Variants in RIT2 observed in about 807,000 individuals in gnomAD.
RIT2 encodes Ras like without CAAX 2, also known as GTP-binding protein Rit2.
Under a neutral mutation model 23.7 loss-of-function variants are expected in RIT2, and 24 were observed. The ratio of observed to expected loss-of-function variants is 1.01; its 90% CI spans 0.73 to 1.43. RIT2 has a LOEUF of 1.43. RIT2 is among the 40% of genes most tolerant of loss of function. The pLI, the probability that RIT2 is intolerant of heterozygous loss-of-function variation, is 0.00. For missense variants in RIT2, 236 were observed against 266.9 expected, an observed-to-expected ratio of 0.88 and a Z score of 0.81; for synonymous variants, 107 against 91.1, an observed-to-expected ratio of 1.17 and a Z score of -0.99.
intron 4 of RIT2, among the ~76,000 whole-genome samples, chr18:42,805,910 T>C (rs1039944949): frequency 6.6e-6 from 1 of 152,020 alleles, no homozygotes; most frequent in Admixed American, 6.6e-5. Flanking sequence ...TGAATACTCA[T>C]AGTTTGTTTG....
chr18:42,918,306 G>A (rs1908965411), intron 4 of RIT2, among the ~76,000 whole-genome samples: 1 of 152,132 alleles, frequency 6.6e-6, no homozygotes, highest in African/African-American at 2.4e-5. Context: ...GATAAATCAT[G>A]TGAAACTCTT....
chr18:42,998,143 A>G (rs1911028923), intron 2 of RIT2, among the ~76,000 whole-genome samples: 1 of 152,088 alleles, frequency 6.6e-6, no homozygotes, highest in Admixed American at 6.6e-5. Context: ...ATGGGATGGC[A>G]CAGTTTCATG....
chr18:42,926,876 C>T (rs1192168721), intron 3 of RIT2, among the ~76,000 whole-genome samples: 2 of 151,852 alleles, frequency 1.3e-5, no homozygotes, highest in Non-Finnish European at 2.9e-5. Context: ...CAGAGAAAGA[C>T]AGTCATAGTA....
intron 2 of RIT2, among the ~76,000 whole-genome samples, chr18:43,021,753 C>T (rs559229095): frequency 2.6e-5 from 4 of 152,086 alleles, no homozygotes; most frequent in Admixed American, 2.0e-4. Context: ...TCCCCAAAAG[C>T]AGAAGCCACC....
chr18:42,784,511 C>T lies in RIT2; in HGVS notation c.427-40791G>A, dbSNP rs2143937185. Among the ~76,000 whole-genome samples, 3 of 152,158 alleles carry T rather than the reference C, an allele frequency of 2.0e-5. No individual in the cohort carries two copies. The South Asian group carries it at 6.2e-4, about 32-fold the overall frequency. ...GGTATTGAATGAGAAGATTTTCCAACATGCTTTACATGGTACTTGATTGTA... is the reference window on the plus strand; with the variant it reads ...GGTATTGAATGAGAAGATTTTCCAATATGCTTTACATGGTACTTGATTGTA... On this transcript the variant is annotated intron_variant, in intron 4 of 4. Transcript: ENST00000326695.
intron 1 of RIT2, among the ~76,000 whole-genome samples, chr18:43,046,571 G>A (rs894174832): frequency 6.6e-6 from 1 of 152,104 alleles, no homozygotes; most frequent in Non-Finnish European, 1.5e-5. Flanking sequence ...CTGCGAACAT[G>A]GTGTCTGGCA....
At chr18:43,039,869 T>G (rs577464481) in intron 1 of RIT2, among the ~76,000 whole-genome samples, 1 of 152,312 alleles carries the variant, frequency 6.6e-6, no homozygotes, top group South Asian at 2.1e-4. Flanking sequence ...TCTTCAAAAC[T>G]TGATGCTGAA....
At chr18:42,779,518 A>G (rs1913756502) in intron 4 of RIT2, among the ~76,000 whole-genome samples, 1 of 152,162 alleles carries the variant, frequency 6.6e-6, no homozygotes, top group South Asian at 2.1e-4. Flanking sequence ...CTTCTATTGC[A>G]AGTCTTGACC....
chr18:42,759,308 A>G (rs907824555), intron 4 of RIT2, among the ~76,000 whole-genome samples: 1 of 152,184 alleles, frequency 6.6e-6, no homozygotes, highest in Non-Finnish European at 1.5e-5. Flanking sequence ...TTACATGAAG[A>G]AAATTTGAAT....
chr18:42,869,537 T>C (rs1055926512), intron 4 of RIT2, among the ~76,000 whole-genome samples: 3 of 152,256 alleles, frequency 2.0e-5, no homozygotes, highest in Non-Finnish European at 2.9e-5. Context: ...TCTCTTTATA[T>C]GGTCTTGCCT....
intron 4 of RIT2, among the ~76,000 whole-genome samples, chr18:42,824,904 A>C (rs1381316595): frequency 6.6e-6 from 1 of 151,982 alleles, no homozygotes; most frequent in Non-Finnish European, 1.5e-5. Flanking sequence ...GCCTGATAAA[A>C]GGTCATATTC....
intron 4 of RIT2, among the ~76,000 whole-genome samples, chr18:42,780,115 G>T (rs1306233683): frequency 4.1e-5 from 5 of 122,846 alleles, no homozygotes. Flanking sequence ...AGCCTCAAGG[G>T]GTCCTGAGGA....
chr18:42,994,853 CAT>C (rs1451830527), intron 2 of RIT2, among the ~76,000 whole-genome samples: 1 of 152,134 alleles, frequency 6.6e-6, no homozygotes, highest in African/African-American at 2.4e-5. Context: ...ACACCTGACA[CAT>C]ATACTTTCTG....
At chr18:42,885,952 C>T (rs1043176083) in intron 4 of RIT2, among the ~76,000 whole-genome samples, 5 of 152,116 alleles carry the variant, frequency 3.3e-5, no homozygotes, top group African/African-American at 1.2e-4. Context: ...CATGAAGGGG[C>T]CGGAGTCCAA....
intron 2 of RIT2, among the ~76,000 whole-genome samples, chr18:42,982,911 T>C (rs889374386): frequency 6.6e-6 from 1 of 152,134 alleles, no homozygotes; most frequent in Non-Finnish European, 1.5e-5. Flanking sequence ...TTCAAATTTA[T>C]GTCATGATTT....
intron 1 of RIT2, among the ~76,000 whole-genome samples, chr18:43,111,957 G>T (rs999363563): frequency 6.6e-6 from 1 of 151,062 alleles, no homozygotes; most frequent in East Asian, 1.9e-4. Flanking sequence ...TAACATTCTT[G>T]GACAATATTA....
chr18:43,102,694 C>T lies in RIT2; in HGVS notation c.103+12723G>A, dbSNP rs961469911. 2.0e-5 allele frequency among the ~76,000 whole-genome samples: 3 copies of T among 151,768 alleles called. No individual in the cohort carries two copies. The East Asian group carries it at 5.8e-4, about 29-fold the overall frequency. On this transcript the variant is annotated intron_variant, in intron 1 of 4. Coordinates refer to ENST00000326695, the MANE Select transcript of RIT2 (RefSeq NM_002930.4). ...TTGGAGACAAAGTCTCGCTCTGTTGCCCAGGCTGGTGTGCAGTGGCATGAT... is the reference window on the plus strand; with the variant it reads ...TTGGAGACAAAGTCTCGCTCTGTTGTCCAGGCTGGTGTGCAGTGGCATGAT...
At chr18:42,752,033 A>G (rs559015996) in intron 4 of RIT2, among the ~76,000 whole-genome samples, 1 of 152,232 alleles carries the variant, frequency 6.6e-6, no homozygotes, top group South Asian at 2.1e-4. Flanking sequence ...ACATGCCATA[A>G]GTTTAATGCA....
chr18:42,954,338 T>C (rs1909921233), intron 3 of RIT2, among the ~76,000 whole-genome samples: 1 of 143,438 alleles, frequency 7.0e-6, no homozygotes, highest in Non-Finnish European at 1.5e-5. Flanking sequence ...ACTGCTCCAT[T>C]GCACTCCAGC....
Sources: allele counts gnomAD v4.1 joint callset (sites outside exome capture counted in the v4.1 genomes callset), GRCh38; gene constraint gnomAD v4.1.1; transcripts MANE v1.5; gene names NCBI Gene and HGNC (gene_info 2026-07-23, HGNC 2026-07-21).